The following FSTL4 variants were observed in gnomAD, a reference collection of about 807,000 sequenced individuals.
FSTL4 encodes the protein follistatin-related protein 4.
Under a neutral mutation model 78.2 loss-of-function variants are expected in FSTL4, and 28 were observed. The observed-to-expected ratio is 0.36, with a 90% CI of 0.27 to 0.49. FSTL4 has a LOEUF of 0.49. Ranked by LOEUF, FSTL4 falls within the 20% of genes least tolerant of loss-of-function variation. The probability of loss-of-function intolerance (pLI) is 0.98; values close to 1 mark genes in which losing one functional copy is unlikely to be tolerated. For synonymous variants in FSTL4, 422 were observed against 440.5 expected, an observed-to-expected ratio of 0.96 and a Z score of 0.53; for missense variants, 922 against 1,084.9, an observed-to-expected ratio of 0.85 and a Z score of 2.11.
intron 4 of FSTL4, among the ~76,000 whole-genome samples, chr5:133,343,798 T>C (rs893320695): frequency 2.6e-5 from 4 of 152,220 alleles, no homozygotes; most frequent in African/African-American, 9.6e-5. Context: ...TGAATTTCCT[T>C]AAGCAAGTTC....
In FSTL4 at chr5:133,519,545, G is replaced by A. The variant is rs370137647; in HGVS notation, c.160+47641C>T. 2.6e-5 allele frequency among the ~76,000 whole-genome samples: 4 copies of A among 152,322 alleles called. No individual in the cohort carries two copies. In the South Asian group the frequency reaches 6.2e-4, roughly 24 times the overall value. On this transcript the variant is annotated intron_variant, in intron 3 of 15. Transcript: ENST00000265342. ...CAAAGCAGCAACATAAAGGAAAGCC[G>A]GGATGGCCACAGTTGATTTCAACAC...
At chr5:133,841,378 T>A in the FSTL4 span, among the ~76,000 whole-genome samples, 1 of 152,196 alleles carries the variant, frequency 6.6e-6, no homozygotes, top group African/African-American at 2.4e-5. Context: ...ATGCACGGTA[T>A]CACCGCACCC....
intron 3 of FSTL4, among the ~76,000 whole-genome samples, chr5:133,438,249 T>C (rs1158785178): frequency 6.6e-6 from 1 of 152,252 alleles, no homozygotes; most frequent in Admixed American, 6.5e-5. Flanking sequence ...GATCATAATC[T>C]TTTGTCCTTG....
the FSTL4 span, among the ~76,000 whole-genome samples, chr5:133,754,851 T>A: frequency 6.6e-6 from 1 of 152,074 alleles, no homozygotes; most frequent in Non-Finnish European, 1.5e-5. Flanking sequence ...CTGGACACCA[T>A]CCACCTTTCC....
At chr5:133,610,203 C>T (rs1458101626) in intron 1 of FSTL4, among the ~76,000 whole-genome samples, 1 of 152,160 alleles carries the variant, frequency 6.6e-6, no homozygotes, top group Admixed American at 6.5e-5. Flanking sequence ...TTCCCTCACC[C>T]ACCTCCAGGG....
the FSTL4 span, among the ~76,000 whole-genome samples, chr5:133,740,037 G>T: frequency 6.6e-6 from 1 of 151,916 alleles, no homozygotes; most frequent in Non-Finnish European, 1.5e-5. Context: ...GGACCACAAG[G>T]GTGCCTGACT....
chr5:133,466,833 G>A (rs905810557), intron 3 of FSTL4, among the ~76,000 whole-genome samples: 2 of 152,174 alleles, frequency 1.3e-5, no homozygotes, highest in Non-Finnish European at 1.5e-5. Context: ...AGGGAAGGAC[G>A]CCTGGCCTGA....
intron 3 of FSTL4, among the ~76,000 whole-genome samples, chr5:133,423,962 G>T (rs1373714875): frequency 3.9e-5 from 6 of 152,196 alleles, no homozygotes; most frequent in Non-Finnish European, 8.8e-5. Flanking sequence ...AACAGCGCTG[G>T]GGTCCCGGCG....
At chr5:133,732,688 G>T in the FSTL4 span, among the ~76,000 whole-genome samples, 35 of 152,264 alleles carry the variant, frequency 2.3e-4, no homozygotes, top group African/African-American at 7.9e-4. Context: ...TCCTGCGCTT[G>T]CCCACTACCA....
the FSTL4 span, among the ~76,000 whole-genome samples, chr5:133,741,738 G>A: frequency 6.6e-6 from 1 of 152,162 alleles, no homozygotes; most frequent in African/African-American, 2.4e-5. Context: ...GCTGTGGCCT[G>A]AGGCACTTCC....
chr5:133,533,707 C>A (rs892148160), intron 3 of FSTL4, among the ~76,000 whole-genome samples: 3 of 152,202 alleles, frequency 2.0e-5, no homozygotes, highest in Non-Finnish European at 4.4e-5. Context: ...TTCGCTTCAT[C>A]AGCAACCTCA....
chr5:133,542,113 T>TA (rs1026564447), intron 3 of FSTL4, among the ~76,000 whole-genome samples: 2 of 152,172 alleles, frequency 1.3e-5, no homozygotes, highest in Non-Finnish European at 1.5e-5. Flanking sequence ...GCTACTGGTT[T>TA]AAAAAAAATG....
intron 6 of FSTL4, among the ~76,000 whole-genome samples, chr5:133,295,483 T>C (rs1753371541): frequency 1.3e-5 from 2 of 152,188 alleles, no homozygotes; most frequent in African/African-American, 4.8e-5. Flanking sequence ...GGCCCTGCTA[T>C]CCTTTTAGCT....
chr5:133,507,834 AAATAAT>A, intron 3 of FSTL4, among the ~76,000 whole-genome samples: 1 of 151,628 alleles, frequency 6.6e-6, no homozygotes, highest in South Asian at 2.1e-4. Flanking sequence ...AGCATTAAAA[AAATAAT>A]AATAATAAAA....
At chr5:133,703,440 T>C in the FSTL4 span, among the ~76,000 whole-genome samples, 1 of 152,124 alleles carries the variant, frequency 6.6e-6, no homozygotes, top group Admixed American at 6.5e-5. Flanking sequence ...AGAGCCCAGA[T>C]TAGACACCAG....
At chr5:133,553,058 T>C (rs1419172957) in intron 3 of FSTL4, among the ~76,000 whole-genome samples, 1 of 152,130 alleles carries the variant, frequency 6.6e-6, no homozygotes, top group Non-Finnish European at 1.5e-5. Flanking sequence ...GGCTACTTAG[T>C]CTCTTGCCAT....
intron 3 of FSTL4, among the ~76,000 whole-genome samples, chr5:133,487,430 C>T (rs1268964552): frequency 2.0e-5 from 3 of 152,196 alleles, no homozygotes; most frequent in Non-Finnish European, 4.4e-5. Flanking sequence ...GCATCACTCA[C>T]AAAGTCCCTG....
intron 2 of FSTL4, among the ~76,000 whole-genome samples, chr5:133,581,428 T>A (rs911572041): frequency 1.3e-5 from 2 of 152,180 alleles, no homozygotes; most frequent in African/African-American, 4.8e-5. Flanking sequence ...GAGAAAGGAA[T>A]GAGGGAGCAT....
the FSTL4 span, among the ~76,000 whole-genome samples, chr5:133,728,186 G>A: frequency 1.3e-5 from 2 of 152,204 alleles, no homozygotes; most frequent in East Asian, 1.9e-4. Context: ...AGATAGAAAT[G>A]TGAACAAAAA....
Sources: allele counts gnomAD v4.1 joint callset (sites outside exome capture counted in the v4.1 genomes callset), GRCh38; gene constraint gnomAD v4.1.1; transcripts MANE v1.5; gene names NCBI Gene and HGNC (gene_info 2026-07-23, HGNC 2026-07-21).